The following ABCC4 variants were observed in gnomAD, a reference collection of about 807,000 sequenced individuals.
ABCC4 encodes the protein ATP binding cassette subfamily C member 4 (PEL blood group), also known as ATP-binding cassette sub-family C member 4.
A neutral mutation model predicts 168.5 loss-of-function variants in ABCC4; 102 were observed. The observed-to-expected ratio is 0.61, with a 90% CI of 0.52 to 0.71. The LOEUF is 0.71. Ranked by LOEUF, ABCC4 falls within the 30% of genes least tolerant of loss-of-function variation. The pLI is 0.00. For synonymous variants in ABCC4, 617 were observed against 590.7 expected (o/e 1.04, Z -0.65); for missense variants, 1,402 against 1,605.8 (o/e 0.87, Z 2.17).
intron 21 of ABCC4, among the ~76,000 whole-genome samples, chr13:95,079,242 G>C (rs1751050): frequency 0.59 from 88,559 of 151,316 alleles, 26,998 homozygotes; most frequent in South Asian, 0.75. Flanking sequence ...CCTGCCATTT[G>C]ACAAGATCAA....
At chr13:95,082,547 C>T (rs577316569) in intron 21 of ABCC4, among the ~76,000 whole-genome samples, 10 of 152,086 alleles carry the variant, frequency 6.6e-5, no homozygotes, top group African/African-American at 1.7e-4. Flanking sequence ...GAACAAGCAC[C>T]GCTGGTAACA....
chr13:95,233,392 G>A (rs1287185796), intron 4 of ABCC4, among the ~76,000 whole-genome samples: 3 of 150,872 alleles, frequency 2.0e-5, no homozygotes, highest in South Asian at 4.2e-4. Context: ...GCGAATTAAC[G>A]CAGGAACAGA....
At chr13:95,090,265 ACAG>A (rs2034388533) in intron 20 of ABCC4, among the ~76,000 whole-genome samples, 1 of 152,148 alleles carries the variant, frequency 6.6e-6, no homozygotes, top group African/African-American at 2.4e-5. Flanking sequence ...TCATGCTACC[ACAG>A]CTAATGCTCT....
At chr13:95,147,891 A>G (rs1369064796) in intron 19 of ABCC4, among the ~76,000 whole-genome samples, 2 of 152,180 alleles carry the variant, frequency 1.3e-5, no homozygotes, top group African/African-American at 2.4e-5. Flanking sequence ...TCATTGTAAA[A>G]CCAAATTAAA....
At chr13:95,031,613 A>G (rs1325569996) in intron 30 of ABCC4, among the ~76,000 whole-genome samples, 1 of 152,256 alleles carries the variant, frequency 6.6e-6, no homozygotes, top group African/African-American at 2.4e-5. Flanking sequence ...TACGATTAAT[A>G]TTGTTGAATT....
chr13:95,085,095 G>T (rs1234601337), intron 20 of ABCC4, among the ~76,000 whole-genome samples: 5 of 152,160 alleles, frequency 3.3e-5, no homozygotes, highest in Admixed American at 6.5e-5. Context: ...AAAGTTCACT[G>T]TCTTACATAA....
At position 95,206,530 on chromosome 13, in the gene ABCC4, A is replaced by G; in HGVS notation, c.1161+2T>C. 6.2e-7 allele frequency: 1 copy of G among 1,612,954 alleles called. No homozygotes were observed. Among genetic ancestry groups the G allele is most frequent in the Non-Finnish European group, 8.5e-7 (1 of 1,179,032 alleles). On this transcript the variant is annotated splice_donor_variant, in intron 8 of 30. Transcript: ENST00000645237. LOFTEE classifies it high-confidence loss of function. ...AACTTTAAAATGGCATCTGACACCAACCTGGATTCTTCGGATGCTGACGAT... is the reference window on the plus strand; with the variant it reads ...AACTTTAAAATGGCATCTGACACCAGCCTGGATTCTTCGGATGCTGACGAT...
chr13:95,076,507 G>GTTT (rs33911549), intron 21 of ABCC4, among the ~76,000 whole-genome samples: 2 of 138,286 alleles, frequency 1.4e-5, no homozygotes, highest in African/African-American at 5.3e-5. Flanking sequence ...TGTGGTGTAG[G>GTTT]TTTTTTTTTT....
At chr13:95,282,136 TAA>T (rs34577420) in intron 1 of ABCC4, among the ~76,000 whole-genome samples, 20,802 of 139,584 alleles carry the variant, frequency 0.15, 1,760 homozygotes, top group East Asian at 0.34. Flanking sequence ...GACTCCATCT[TAA>T]AAAAAAAAAA....
rs761238493 is a variant in ABCC4, at chr13:95,301,346, C to T, written c.-32G>A. On this transcript the variant is annotated 5_prime_UTR_variant, in exon 1 of 31. Coordinates refer to ENST00000645237, the MANE Select transcript of ABCC4 (RefSeq NM_005845.5). ...GGGCGGGGCGGGCGCGGGCCGGGGTCGCGCTGATCAGGCGGCGGTGGCCGC... is the reference window on the plus strand; with the variant it reads ...GGGCGGGGCGGGCGCGGGCCGGGGTTGCGCTGATCAGGCGGCGGTGGCCGC... The T allele has an allele frequency of 6.4e-7, 1 of 1,555,340 alleles. No homozygotes were observed. Among genetic ancestry groups the T allele is most frequent in the South Asian group, 1.2e-5 (1 of 84,680 alleles).
At chr13:95,201,443 T>C (rs575886642) in intron 8 of ABCC4, among the ~76,000 whole-genome samples, 1 of 152,168 alleles carries the variant, frequency 6.6e-6, no homozygotes, top group Admixed American at 6.5e-5. Context: ...GCTCAGTTGT[T>C]AGGCATTTTC....
chr13:95,029,231 GAGAGAGAGAGAGAGAGAGAGAGAA>G (rs545433514), intron 30 of ABCC4, among the ~76,000 whole-genome samples: 8,479 of 20,130 alleles, frequency 0.42, 672 homozygotes, highest in South Asian at 0.5. Flanking sequence ...GAGAGAGAGA[GAGAGAGAGAGAGAGAGAGAGAGAA>G]AGAGAGAGAG....
At chr13:95,250,757 CTTTTTTTTTTT>C (rs66485168) in intron 1 of ABCC4, among the ~76,000 whole-genome samples, 7 of 78,874 alleles carry the variant, frequency 8.9e-5, no homozygotes, top group Admixed American at 1.6e-4. Flanking sequence ...ATACTGGTTT[CTTTTTTTTTTT>C]TTTTTTTTTT....
intron 1 of ABCC4, among the ~76,000 whole-genome samples, chr13:95,272,832 G>A (rs1212583778): frequency 6.6e-6 from 1 of 152,200 alleles, no homozygotes; most frequent in African/African-American, 2.4e-5. Flanking sequence ...AGGTTGCAGT[G>A]AGCCAAGATG....
chr13:95,049,071 C>CA (rs2032714779), intron 27 of ABCC4, among the ~76,000 whole-genome samples: 1 of 152,176 alleles, frequency 6.6e-6, no homozygotes, highest in Non-Finnish European at 1.5e-5. Context: ...TGGTGGCTCA[C>CA]GCCTGTAATC....
intron 8 of ABCC4, among the ~76,000 whole-genome samples, chr13:95,204,719 T>C (rs1023292575): frequency 1.4e-4 from 21 of 152,206 alleles, no homozygotes; most frequent in African/African-American, 4.6e-4. Flanking sequence ...ATACCATGGT[T>C]AAGAAATCAT....
At chr13:95,072,004 G>C (rs1382564101) in intron 24 of ABCC4, 151 bp from the exon 25 acceptor site, 1 of 520,608 alleles carries the variant, frequency 1.9e-6, no homozygotes, top group Non-Finnish European at 3.1e-6. Flanking sequence ...TTACAAATTT[G>C]GTTCATCATT....
intron 13 of ABCC4, among the ~76,000 whole-genome samples, chr13:95,173,146 G>C (rs2037538140): frequency 6.6e-6 from 1 of 152,146 alleles, no homozygotes; most frequent in African/African-American, 2.4e-5. Flanking sequence ...AAACCATGAA[G>C]AGACAGCCAG....
chr13:95,070,342 AG>A (rs1444988825), intron 25 of ABCC4, among the ~76,000 whole-genome samples: 4 of 152,074 alleles, frequency 2.6e-5, no homozygotes, highest in African/African-American at 9.6e-5. Context: ...CAAGGCAGAC[AG>A]GTGCTTGGGG....
Sources: allele counts gnomAD v4.1 joint callset (sites outside exome capture counted in the v4.1 genomes callset), GRCh38; gene constraint gnomAD v4.1.1; transcripts MANE v1.5; gene names NCBI Gene and HGNC (gene_info 2026-07-23, HGNC 2026-07-21).